ADNP2: variants seen among roughly 807,000 people sequenced by gnomAD.
The protein encoded by ADNP2 is activity-dependent neuroprotector homeobox protein 2.
Under a neutral mutation model 16.4 loss-of-function variants are expected in ADNP2, and 8 were observed. The observed-to-expected ratio is 0.49, with a 90% CI of 0.29 to 0.88. The LOEUF (loss-of-function observed/expected upper bound fraction) is 0.88, where lower values mean the gene tolerates loss of function less well. ADNP2 is among the 40% of genes least tolerant of loss of function. The pLI, the probability that ADNP2 is intolerant of heterozygous loss-of-function variation, is 0.09. For missense variants in ADNP2, 1,397 were observed against 1,395.1 expected (o/e 1.00, Z -0.02); for synonymous variants, 637 against 545.8 (o/e 1.17, Z -2.33).
rs377637212 is a variant in ADNP2, at chr18:80,136,724, G to A, written c.1311G>A (p.Val437=). Residue 437 remains valine (V), a synonymous_variant, in exon 4 of 4, where the codon GTG becomes GTA. Transcript: ENST00000262198. ...TCCTGCAGGCTGTCTCGCCAGGGGTGCTTTCTGTGAGTCGGGCGGTCCCGT... is the reference window on the plus strand; with the variant it reads ...TCCTGCAGGCTGTCTCGCCAGGGGTACTTTCTGTGAGTCGGGCGGTCCCGT... ...PGVLQAVSPG[V]LSVSRAVPSG... The A allele has an allele frequency of 5.0e-6, 8 of 1,613,304 alleles. No individual in the cohort carries two copies. The highest frequency in any genetic ancestry group is 6.8e-6 in the Non-Finnish European group (8 of 1,179,670).
chr18:80,122,804 TTTTTTGCCTC>T (rs2052433235), intron 2 of ADNP2, among the ~76,000 whole-genome samples: 2 of 152,358 alleles, frequency 1.3e-5, no homozygotes, highest in African/African-American at 4.8e-5. Flanking sequence ...ATGCCTTTTA[TTTTTTGCCTC>T]ATTGTTCTGT....
Position 80,117,507 on chromosome 18 carries a change from GTTT to G in ADNP2, c.-13-21_-13-19del. ...GTATTATATACATGTACTTATTACA[GTTT>G]TGTTTTCTTTCCTTTTAAGGAAAAT... On this transcript the variant is annotated intron_variant, in intron 1 of 3. Coordinates refer to ENST00000262198, the MANE Select transcript of ADNP2 (RefSeq NM_014913.4). The G allele has an allele frequency of 6.7e-7, 1 of 1,488,488 alleles. No homozygotes were observed. The highest frequency in any genetic ancestry group is 9.2e-7 in the Non-Finnish European group (1 of 1,091,274). The allele number at this position is 1,488,488 out of a possible 1,614,324, so 92.2% of individuals were successfully genotyped here.
intron 2 of ADNP2, among the ~76,000 whole-genome samples, chr18:80,123,448 C>G (rs908216015): frequency 1.3e-5 from 2 of 148,178 alleles, no homozygotes; most frequent in East Asian, 4.1e-4. Flanking sequence ...CTTGGCTCAC[C>G]GCAACCTCCG....
intron 2 of ADNP2, among the ~76,000 whole-genome samples, chr18:80,121,765 G>A (rs145834879): frequency 1.3e-5 from 2 of 152,144 alleles, no homozygotes; most frequent in South Asian, 2.1e-4. Flanking sequence ...AAATTCAGTC[G>A]TTTCAGCACC....
rs552470301 is a variant in ADNP2 at position 80,123,761 on chromosome 18, G to A, written c.108+6111G>A. 2.0e-4 allele frequency among the ~76,000 whole-genome samples: 30 copies of A among 146,704 alleles called. No individual in the cohort carries two copies. In the East Asian group the frequency reaches 6.0e-3, roughly 29 times the overall value. ...TTTCTTTTTTTGGAGACAGAGTCTC[G>A]CTCTGTCGCCCAGGCTGGAGTGCAG... On this transcript the variant is annotated intron_variant, in intron 2 of 3. Transcript: ENST00000262198.
In ADNP2 at chr18:80,139,872, C is replaced by T. The variant is rs745401299; in HGVS notation, c.*1063C>T. On this transcript the variant is annotated 3_prime_UTR_variant, in exon 4 of 4. Transcript: ENST00000262198. Reference sequence around the variant, plus strand: ...CTGAAGGTCATGTTTAGTGGAGAAACGGGCTTTTCTCTAGCTGGTTTAGGC... The same window carrying T: ...CTGAAGGTCATGTTTAGTGGAGAAATGGGCTTTTCTCTAGCTGGTTTAGGC... The T allele has an allele frequency of 3.3e-5, 5 of 152,114 alleles. No individual in the cohort carries two copies. The highest frequency in any genetic ancestry group is 2.1e-4 in the South Asian group (1 of 4,832). 9.4% of individuals were successfully genotyped at this position (152,114 alleles called of 1,614,324 possible).
chr18:80,125,928 ACT>A (rs1251035681), intron 2 of ADNP2, among the ~76,000 whole-genome samples: 2 of 152,008 alleles, frequency 1.3e-5, no homozygotes, highest in Admixed American at 6.6e-5. Flanking sequence ...TGTATGAGAG[ACT>A]CTACAGGCAG....
chr18:80,112,592 G>A (rs936181057), intron 1 of ADNP2, among the ~76,000 whole-genome samples: 1 of 151,884 alleles, frequency 6.6e-6, no homozygotes, highest in East Asian at 1.9e-4. Context: ...TCAAATTCAA[G>A]GGAAAAAAAT....
At position 80,135,760 on chromosome 18, in the gene ADNP2, A is replaced by G; in HGVS notation, c.347A>G (p.Gln116Arg). 1.2e-6 allele frequency: 2 copies of G among 1,614,236 alleles called. No homozygotes were observed. Among genetic ancestry groups the G allele is most frequent in the Non-Finnish European group, 1.7e-6 (2 of 1,180,032 alleles). Residue 116 changes from glutamine to arginine, a missense_variant, in exon 4 of 4, where the codon CAG becomes CGG. Transcript: ENST00000262198. ...IPCPNCVFAS[Q>R]PKVVGRHFRM... ...TGCCCAAACTGTGTATTTGCATCTC[A>G]GCCCAAAGTTGTGGGAAGGCACTTC...
intron 2 of ADNP2, among the ~76,000 whole-genome samples, chr18:80,132,785 G>A (rs962785529): frequency 6.6e-5 from 10 of 150,740 alleles, no homozygotes; most frequent in Admixed American, 1.3e-4. Flanking sequence ...CCAGGCTTGA[G>A]TGCAGCTCAC....
intron 2 of ADNP2, among the ~76,000 whole-genome samples, chr18:80,121,607 C>G (rs1380833574): frequency 3.9e-5 from 6 of 152,096 alleles, no homozygotes; most frequent in Non-Finnish European, 8.8e-5. Flanking sequence ...AATCCATTGC[C>G]AAGTCCAAGG....
chr18:80,139,043 T>C lies in ADNP2; in HGVS notation c.*234T>C. 1 of 384,020 alleles carries C rather than the reference T, an allele frequency of 2.6e-6. No individual in the cohort carries two copies. The highest frequency in any genetic ancestry group is 4.6e-6 in the Non-Finnish European group (1 of 218,994). 23.8% of individuals were successfully genotyped at this position (384,020 alleles called of 1,614,324 possible). A position where few individuals can be genotyped will look rare whatever the true frequency, so the allele number is the denominator to read the frequency against. The stretch of plus-strand genomic sequence containing the variant: ...AACAGAACAGTTGTTTTCAGGTTTT[T>C]TTCTCTGTCATGTAAATGAAATCTT... On this transcript the variant is annotated 3_prime_UTR_variant, in exon 4 of 4. Transcript: ENST00000262198.
intron 1 of ADNP2, among the ~76,000 whole-genome samples, chr18:80,114,363 A>G (rs995030418): frequency 6.6e-6 from 1 of 152,212 alleles, no homozygotes; most frequent in African/African-American, 2.4e-5. Context: ...TTATTATTAA[A>G]GTTGAATAAC....
At position 80,137,243 on chromosome 18, in the gene ADNP2, T is replaced by C; in HGVS notation, c.1830T>C (p.Asn610=). ...TCATCCCTACAGGGAAACAAGTGAA[T>C]GGGATTCCAACCTACACGCTGGCCC... ...RQLIPTGKQV[N]GIPTYTLAPV... is the part of the protein sequence containing the mutation. The change falls in exon 4 of 4, where the codon AAT becomes AAC. Residue 610 remains asparagine, a synonymous_variant. Coordinates refer to ENST00000262198, the MANE Select transcript of ADNP2 (RefSeq NM_014913.4). The surrounding 1 kb of genome is among the most constrained non-coding windows in gnomAD (Gnocchi z 4.2). The C allele has an allele frequency of 2.5e-6, 4 of 1,614,182 alleles. No individual in the cohort carries two copies. Among genetic ancestry groups the C allele is most frequent in the South Asian group, 2.2e-5 (2 of 91,084 alleles).
intron 2 of ADNP2, among the ~76,000 whole-genome samples, chr18:80,127,022 G>C (rs2052463568): frequency 6.6e-6 from 1 of 152,194 alleles, no homozygotes; most frequent in African/African-American, 2.4e-5. Context: ...GGTGAGCACA[G>C]GATGTAAGAT....
intron 2 of ADNP2, among the ~76,000 whole-genome samples, chr18:80,117,969 C>A (rs1428858749): frequency 6.6e-6 from 1 of 152,038 alleles, no homozygotes; most frequent in Non-Finnish European, 1.5e-5. Context: ...GAGCAATCAA[C>A]AAATGGGCAT....
chr18:80,122,987 C>T (rs1038348481), intron 2 of ADNP2, among the ~76,000 whole-genome samples: 4 of 151,750 alleles, frequency 2.6e-5, no homozygotes, highest in African/African-American at 9.7e-5. Context: ...CCTTCAATTC[C>T]TAGTTTTCTG....
rs1012702071 is a variant in ADNP2 at position 80,134,781 on chromosome 18, C to T, written c.199-831C>T. Among the ~76,000 whole-genome samples, 7 of 152,180 alleles carry T rather than the reference C, an allele frequency of 4.6e-5. No homozygotes were observed. In the South Asian group the frequency reaches 1.4e-3, roughly 32 times the overall value. On this transcript the variant is annotated intron_variant, in intron 3 of 3. Transcript: ENST00000262198. ...CAGTGTTGCGTTCTGTGGCCTTACC[C>T]TTATCTTAGGGTCATCCATAGTGTG...
chr18:80,135,212 C>G lies in ADNP2; in HGVS notation c.199-400C>G, dbSNP rs11660024. 5.6e-3 allele frequency among the ~76,000 whole-genome samples: 856 copies of G among 152,128 alleles called. 7 individuals are homozygous for G. The highest frequency in any genetic ancestry group is 7.8e-3 in the Non-Finnish European group (530 of 68,002). ...AATCCTATATTTGTATGAATTAGCC[C>G]GTGAGCCATGAGCTAGGAGTGGTTG... On this transcript the variant is annotated intron_variant, in intron 3 of 3. Transcript: ENST00000262198.
Sources: allele counts gnomAD v4.1 joint callset (sites outside exome capture counted in the v4.1 genomes callset), GRCh38; gene constraint gnomAD v4.1.1; non-coding constraint Gnocchi (gnomAD v3.1); transcripts MANE v1.5; gene names NCBI Gene and HGNC (gene_info 2026-07-23, HGNC 2026-07-21).